CHODL: variants seen among roughly 807,000 people sequenced by gnomAD.
CHODL encodes the protein transmembrane protein MT75.
In CHODL, 29 loss-of-function variants were observed where a neutral mutation model predicts 34.5. That is an observed-to-expected ratio of 0.84 (90% CI 0.63 to 1.15). The LOEUF is 1.15. Among genes scored for constraint, CHODL ranks in the 50% most tolerant of loss-of-function variants. The probability of loss-of-function intolerance (pLI) is 0.00; values close to 1 mark genes in which losing one functional copy is unlikely to be tolerated. For synonymous variants in CHODL, 125 were observed against 116.1 expected, an observed-to-expected ratio of 1.08 and a Z score of -0.49; for missense variants, 332 against 332.5, an observed-to-expected ratio of 1.00 and a Z score of 0.01.
chr21:17,964,890 T>C (rs1178116789), intron 1 of CHODL, among the ~76,000 whole-genome samples: 1 of 152,222 alleles, frequency 6.6e-6, no homozygotes, highest in Non-Finnish European at 1.5e-5. Flanking sequence ...GGGCAGCAAC[T>C]GCTGGTTTCC....
At chr21:18,106,360 C>G (rs2223077) in intron 2 of CHODL, among the ~76,000 whole-genome samples, 152,330 of 152,330 alleles carry the variant, frequency 1, 76,165 homozygotes, top group Non-Finnish European at 1. Context: ...GTGAGTCCTA[C>G]CCTTCCTTGA....
intron 2 of CHODL, chr21:18,114,771 G>A (rs2065392738): frequency 6.6e-6 from 1 of 152,240 alleles, no homozygotes; most frequent in Non-Finnish European, 1.5e-5. Flanking sequence ...TCTTACCTTG[G>A]TATTGAAGGT....
At chr21:17,976,293 A>T (rs952312097) in intron 1 of CHODL, among the ~76,000 whole-genome samples, 1 of 141,668 alleles carries the variant, frequency 7.1e-6, no homozygotes, top group Admixed American at 7.1e-5. Context: ...AAAAAAAAAA[A>T]AAAAAGACAT....
At chr21:17,979,332 C>A (rs2063696231) in intron 1 of CHODL, among the ~76,000 whole-genome samples, 1 of 152,104 alleles carries the variant, frequency 6.6e-6, no homozygotes, top group Non-Finnish European at 1.5e-5. Flanking sequence ...AAAAGATTCC[C>A]TCTTTAATAA....
rs113884093 is a variant in CHODL at position 18,223,925 on chromosome 21, G to A, written c.-44-32584G>A. Among the ~76,000 whole-genome samples, 389 of 152,212 alleles carry A rather than the reference G, an allele frequency of 2.6e-3. 3 individuals carry two copies. The highest frequency in any genetic ancestry group is 8.7e-3 in the African/African-American group (360 of 41,524). On this transcript the variant is annotated intron_variant, in intron 2 of 6. Coordinates refer to the CHODL transcript ENST00000400127. ...AAGAATCATGAAAATAAATGGAGCCGATTATTACCAAGAGCCCAGTGTTAG... is the reference window on the plus strand; with the variant it reads ...AAGAATCATGAAAATAAATGGAGCCAATTATTACCAAGAGCCCAGTGTTAG...
At chr21:17,938,849 G>A (rs894371913) in intron 1 of CHODL, among the ~76,000 whole-genome samples, 11 of 151,854 alleles carry the variant, frequency 7.2e-5, no homozygotes, top group Non-Finnish European at 1.5e-4. Flanking sequence ...AAACATGTGG[G>A]CACTTCTGAT....
intron 2 of CHODL, among the ~76,000 whole-genome samples, chr21:18,086,622 G>A (rs549816902): frequency 1.3e-5 from 2 of 152,230 alleles, no homozygotes; most frequent in African/African-American, 2.4e-5. Flanking sequence ...AGGGTCAGTG[G>A]TATCTGTAAT....
chr21:17,929,130 T>C (rs1043222438), intron 1 of CHODL, among the ~76,000 whole-genome samples: 1 of 152,190 alleles, frequency 6.6e-6, no homozygotes, highest in Admixed American at 6.5e-5. Flanking sequence ...GAAAATCCAT[T>C]ATAGAAACAA....
chr21:18,026,881 C>T (rs1158200222), intron 1 of CHODL, among the ~76,000 whole-genome samples: 1 of 152,068 alleles, frequency 6.6e-6, no homozygotes, highest in Non-Finnish European at 1.5e-5. Context: ...TGACATATTT[C>T]AAAATTCATT....
At chr21:18,229,042 A>T (rs2073955981) in intron 2 of CHODL, among the ~76,000 whole-genome samples, 1 of 152,182 alleles carries the variant, frequency 6.6e-6, no homozygotes, top group Non-Finnish European at 1.5e-5. Flanking sequence ...TTTATTTATG[A>T]ATCTTCTGTA....
intron 2 of CHODL, among the ~76,000 whole-genome samples, chr21:18,110,137 T>C (rs902997021): frequency 1.3e-5 from 2 of 152,204 alleles, no homozygotes; most frequent in Non-Finnish European, 2.9e-5. Flanking sequence ...TCCTAGACTT[T>C]ACTAGCTACA....
intron 2 of CHODL, among the ~76,000 whole-genome samples, chr21:18,035,823 T>C (rs938648241): frequency 7.2e-5 from 11 of 152,020 alleles, no homozygotes; most frequent in Non-Finnish European, 1.3e-4. Flanking sequence ...CCTAAAATGC[T>C]CAATCTTTTC....
At chr21:18,068,584 G>T (rs1244473520) in intron 2 of CHODL, among the ~76,000 whole-genome samples, 1 of 152,026 alleles carries the variant, frequency 6.6e-6, no homozygotes, top group East Asian at 1.9e-4. Context: ...CCTCATTCTT[G>T]CACCCTATTC....
chr21:18,253,316 T>G (rs1232489956), intron 1 of CHODL, among the ~76,000 whole-genome samples: 2 of 139,370 alleles, frequency 1.4e-5, no homozygotes, highest in Non-Finnish European at 3.0e-5. Flanking sequence ...TTCTGTTTTG[T>G]TTTTTTTTAA....
At chr21:18,260,658 CA>C (rs200392465) in intron 4 of CHODL, among the ~76,000 whole-genome samples, 4 of 151,876 alleles carry the variant, frequency 2.6e-5, no homozygotes, top group Non-Finnish European at 5.9e-5. Flanking sequence ...GCAAAAAATA[CA>C]AAAAACTAGC....
intron 1 of CHODL, among the ~76,000 whole-genome samples, chr21:17,971,710 A>G (rs2063616243): frequency 6.6e-6 from 1 of 152,150 alleles, no homozygotes; most frequent in African/African-American, 2.4e-5. Context: ...TCACAGCCAA[A>G]TTCTACCAGA....
At chr21:18,000,422 G>C (rs2063894135) in intron 1 of CHODL, among the ~76,000 whole-genome samples, 1 of 152,056 alleles carries the variant, frequency 6.6e-6, no homozygotes, top group Non-Finnish European at 1.5e-5. Flanking sequence ...TTTGGAGTTG[G>C]GAGTGCTCTT....
intron 2 of CHODL, among the ~76,000 whole-genome samples, chr21:18,106,142 C>T (rs1289520929): frequency 6.6e-6 from 1 of 152,136 alleles, no homozygotes; most frequent in Non-Finnish European, 1.5e-5. Context: ...GATGAGAAAC[C>T]CACAAAGTTC....
At chr21:17,990,363 A>C (rs768022531) in intron 1 of CHODL, among the ~76,000 whole-genome samples, 11 of 152,066 alleles carry the variant, frequency 7.2e-5, no homozygotes, top group Admixed American at 7.2e-4. Context: ...GAACCACAGT[A>C]AGTTTCATTT....
Sources: allele counts gnomAD v4.1 joint callset (sites outside exome capture counted in the v4.1 genomes callset), GRCh38; gene constraint gnomAD v4.1.1; transcripts MANE v1.5; gene names NCBI Gene and HGNC (gene_info 2026-07-23, HGNC 2026-07-21).